Variants in DNAI7 observed in about 807,000 individuals in gnomAD.
DNAI7 encodes the protein cancer susceptibility 1.
In DNAI7, 78 loss-of-function variants were observed where a neutral mutation model predicts 86.6. The observed-to-expected ratio is 0.90, with a 90% CI of 0.75 to 1.09. The LOEUF (loss-of-function observed/expected upper bound fraction) is 1.09, where lower values mean the gene tolerates loss of function less well. DNAI7 is among the 50% of genes least tolerant of loss of function. The probability of loss-of-function intolerance (pLI) is 0.00; values close to 1 mark genes in which losing one functional copy is unlikely to be tolerated. For missense variants in DNAI7, 753 were observed against 810.2 expected (o/e 0.93, Z 0.86); for synonymous variants, 274 against 273.0 (o/e 1.00, Z -0.04).
chr12:25,140,147 C>G (rs1174383352), intron 9 of DNAI7, among the ~76,000 whole-genome samples: 1 of 152,058 alleles, frequency 6.6e-6, no homozygotes, highest in Non-Finnish European at 1.5e-5. Flanking sequence ...GACAAGGATG[C>G]CCCCTTTCAC....
intron 9 of DNAI7, among the ~76,000 whole-genome samples, chr12:25,135,832 T>C (rs10842480): frequency 0.69 from 102,587 of 149,624 alleles, 39,048 homozygotes; most frequent in East Asian, 0.99. Flanking sequence ...CCCCATCCCC[T>C]AGAGCAGCCG....
intron 2 of DNAI7, among the ~76,000 whole-genome samples, chr12:25,172,173 T>G (rs1253632666): frequency 2.0e-5 from 3 of 152,152 alleles, no homozygotes; most frequent in East Asian, 3.9e-4. Flanking sequence ...GAACTCGAAC[T>G]GTCACTGTTT....
At chr12:25,174,703 C>CAT (rs1348133269) in intron 2 of DNAI7, among the ~76,000 whole-genome samples, 21 of 115,818 alleles carry the variant, frequency 1.8e-4, no homozygotes, top group African/African-American at 3.9e-4. Context: ...ATATAGATAT[C>CAT]ATACATATGG....
intron 12 of DNAI7, among the ~76,000 whole-genome samples, chr12:25,118,296 C>T (rs1940581709): frequency 1.3e-5 from 2 of 151,078 alleles, no homozygotes; most frequent in Admixed American, 6.6e-5. Flanking sequence ...CACAGTCTTG[C>T]TCTGTGGCCC....
chr12:25,180,021 T>A (rs978313480), intron 2 of DNAI7, among the ~76,000 whole-genome samples: 1 of 152,188 alleles, frequency 6.6e-6, no homozygotes, highest in Non-Finnish European at 1.5e-5. Context: ...ACTGACAACA[T>A]GATCCTATGC....
intron 14 of DNAI7, among the ~76,000 whole-genome samples, chr12:25,111,343 A>G (rs1297387182): frequency 6.6e-6 from 1 of 152,224 alleles, no homozygotes; most frequent in Non-Finnish European, 1.5e-5. Flanking sequence ...AACAGTACAC[A>G]GACATGGAGG....
chr12:25,134,286 G>T (rs2097375771), intron 9 of DNAI7, among the ~76,000 whole-genome samples: 1 of 149,576 alleles, frequency 6.7e-6, no homozygotes, highest in South Asian at 2.1e-4. Context: ...CTATGTATTT[G>T]AACATAGCCT....
chr12:25,129,361 C>T (rs1017840179), intron 9 of DNAI7, among the ~76,000 whole-genome samples: 19 of 152,160 alleles, frequency 1.2e-4, no homozygotes, highest in South Asian at 4.2e-4. Flanking sequence ...GCCATCCTCC[C>T]GAGGGCCAGA....
intron 13 of DNAI7, among the ~76,000 whole-genome samples, chr12:25,112,494 C>T (rs1393559249): frequency 3.5e-5 from 5 of 144,816 alleles, no homozygotes; most frequent in Non-Finnish European, 5.9e-5. Flanking sequence ...GCAAGCTCTG[C>T]CTCCCAGGTT....
At chr12:25,191,171 C>T (rs1453998098) in intron 1 of DNAI7, among the ~76,000 whole-genome samples, 2 of 152,052 alleles carry the variant, frequency 1.3e-5, no homozygotes, top group Non-Finnish European at 2.9e-5. Context: ...ATAGCATTCG[C>T]GGAGGCCAAG....
In DNAI7 at chr12:25,110,518, C is replaced by T. The variant is rs113999853; in HGVS notation, c.1780-278G>A. Among the ~76,000 whole-genome samples the T allele has an allele frequency of 1.5e-3, 231 of 152,300 alleles. 1 individual carries two copies. Among genetic ancestry groups the T allele is most frequent in the African/African-American group, 5.5e-3 (227 of 41,566 alleles). On this transcript the variant is annotated intron_variant, in intron 14 of 15. Coordinates refer to ENST00000395987, the MANE Select transcript of DNAI7 (RefSeq NM_018272.5). Reference sequence around the variant, plus strand: ...CCTCTTTTTCTTCTCCCTTTGCTCTCTCAGTTCCAGGCCCCATGGTTTCCA... The same window carrying T: ...CCTCTTTTTCTTCTCCCTTTGCTCTTTCAGTTCCAGGCCCCATGGTTTCCA...
rs747029962 is a variant in DNAI7 at position 25,194,958 on chromosome 12, TC to T, written c.3+117del. On this transcript the variant is annotated intron_variant, in intron 1 of 15. Coordinates refer to ENST00000395987, the MANE Select transcript of DNAI7 (RefSeq NM_018272.5). Reference sequence around the variant, plus strand: ...GACCCACCCCAAGGTATGAGTTATTTCCCAAACCGACCCGCTTCGCTGTAAA... The same window carrying T: ...GACCCACCCCAAGGTATGAGTTATTTCCAAACCGACCCGCTTCGCTGTAAA... 1.9e-6 allele frequency: 3 copies of T among 1,614,198 alleles called. No homozygotes were observed. In the South Asian group the frequency reaches 3.3e-5, roughly 18 times the overall value.
chr12:25,142,429 GA>G (rs1259275731), intron 9 of DNAI7, among the ~76,000 whole-genome samples: 1 of 151,572 alleles, frequency 6.6e-6, no homozygotes, highest in Non-Finnish European at 1.5e-5. Context: ...CAAAATCTTA[GA>G]AATCACCACT....
At chr12:25,158,698 T>C in intron 3 of DNAI7, 135 bp from the exon 4 acceptor site, 1 of 1,492,320 alleles carries the variant, frequency 6.7e-7, no homozygotes, top group Non-Finnish European at 8.9e-7. Context: ...ACATGGTAGA[T>C]ATGAGAAAAG....
Position 25,119,166 on chromosome 12 carries a change from C to G in DNAI7, c.1375G>C (p.Val459Leu). ...GTACCTTCAGCATCCCACCTTACAA[C>G]CACAGGATCCTCAAAAAAGATTACA... The part of the protein sequence containing the change: ...ENVIFFEDPV[V>L]VRWDAEGKHW... The change falls in exon 12 of 16, where the codon GTT becomes CTT. Residue 459 changes from valine (V) to leucine (L), a missense_variant. Coordinates refer to ENST00000395987, the MANE Select transcript of DNAI7 (RefSeq NM_018272.5). 1 of 1,608,340 alleles carries G rather than the reference C, an allele frequency of 6.2e-7. No homozygotes were observed.
chr12:25,170,501 A>G (rs1198380924), intron 2 of DNAI7, among the ~76,000 whole-genome samples: 1 of 152,240 alleles, frequency 6.6e-6, no homozygotes, highest in Non-Finnish European at 1.5e-5. Flanking sequence ...AGATCTAAGA[A>G]ACAAGACAGA....
At position 25,111,825 on chromosome 12, in the gene DNAI7, G is replaced by T. The variant is rs759554177; in HGVS notation, c.1726C>A (p.Leu576Met). The change falls in exon 14 of 16, where the codon CTG becomes ATG. Residue 576 changes from leucine (L) to methionine (M), a missense_variant. By Grantham distance (15) the Leu-to-Met change is conservative (BLOSUM62 2). Coordinates refer to ENST00000395987, the MANE Select transcript of DNAI7 (RefSeq NM_018272.5). ...PFIIALKEAG[L>M]NIFPTRHSHF... The stretch of plus-strand genomic sequence containing the variant: ...GAGTGTCTAGTAGGAAAGATATTCA[G>T]TCCAGCTTCTTTCAAAGCAATAATG... 6.2e-7 allele frequency: 1 copy of T among 1,604,084 alleles called. No individual in the cohort carries two copies. The highest frequency in any genetic ancestry group is 1.1e-5 in the South Asian group (1 of 89,500).
chr12:25,159,119 A>G (rs986311058), intron 3 of DNAI7, among the ~76,000 whole-genome samples: 21 of 152,202 alleles, frequency 1.4e-4, no homozygotes, highest in African/African-American at 5.1e-4. Context: ...TCATGCTACT[A>G]TAAAGACACA....
At chr12:25,169,477 A>G (rs959015676) in intron 2 of DNAI7, among the ~76,000 whole-genome samples, 2 of 152,198 alleles carry the variant, frequency 1.3e-5, no homozygotes, top group Non-Finnish European at 2.9e-5. Context: ...TTGCTCACAC[A>G]AAGCCTGTTT....
Sources: allele counts gnomAD v4.1 joint callset (sites outside exome capture counted in the v4.1 genomes callset), GRCh38; gene constraint gnomAD v4.1.1; transcripts MANE v1.5; gene names NCBI Gene and HGNC (gene_info 2026-07-23, HGNC 2026-07-21).